IRF2: variants seen among roughly 807,000 people sequenced by gnomAD.
IRF2 encodes interferon regulatory factor 2.
IRF2 carries 15 observed loss-of-function variants against 40.6 expected under a neutral mutation model. The observed-to-expected ratio is 0.37, with a 90% CI of 0.25 to 0.57. The LOEUF is 0.57. IRF2 is among the 20% of genes least tolerant of loss of function. The probability of loss-of-function intolerance (pLI) is 0.77; values close to 1 mark genes in which losing one functional copy is unlikely to be tolerated. For synonymous variants in IRF2, 151 were observed against 165.5 expected, an observed-to-expected ratio of 0.91 and a Z score of 0.67; for missense variants, 317 against 455.7, an observed-to-expected ratio of 0.70 and a Z score of 2.77.
chr4:184,451,667 A>C (rs1045824270), intron 1 of IRF2, among the ~76,000 whole-genome samples: 2 of 152,172 alleles, frequency 1.3e-5, no homozygotes, highest in African/African-American at 4.8e-5. Context: ...TGATCCTGAA[A>C]CATAAATGCT....
At chr4:184,460,696 C>T (rs1739112296) in intron 1 of IRF2, among the ~76,000 whole-genome samples, 1 of 151,654 alleles carries the variant, frequency 6.6e-6, no homozygotes, top group Non-Finnish European at 1.5e-5. Flanking sequence ...CACACACACA[C>T]ATGCACACGC....
intron 7 of IRF2, 23 bp downstream of exon 7, chr4:184,398,892 C>T (rs371796553): frequency 3.5e-5 from 55 of 1,565,306 alleles, no homozygotes; most frequent in Middle Eastern, 3.8e-4. Context: ...CCACGCCTCC[C>T]GGAGCCTCCC....
rs567010984 is a variant in IRF2 at position 184,413,638 on chromosome 4, T to G, written c.411+4529A>C. ...TCTGTAACTTCTACCCATAGGTCTGTGCTCAGAACGAATACAGACCAGGCC... is the reference window on the plus strand; with the variant it reads ...TCTGTAACTTCTACCCATAGGTCTGGGCTCAGAACGAATACAGACCAGGCC... On this transcript the variant is annotated intron_variant, in intron 5 of 8. Transcript: ENST00000393593. This position sits in a 1 kb window ranked among gnomAD's most constrained non-coding sequence, Gnocchi z 4.2. Among the ~76,000 whole-genome samples, 103 of 152,338 alleles carry G rather than the reference T, an allele frequency of 6.8e-4. No individual in the cohort carries two copies. Among genetic ancestry groups the G allele is most frequent in the South Asian group, 3.9e-3 (19 of 4,832 alleles).
At chr4:184,445,384 T>C (rs1025291956) in intron 1 of IRF2, among the ~76,000 whole-genome samples, 36 of 152,160 alleles carry the variant, frequency 2.4e-4, no homozygotes, top group Admixed American at 9.8e-4. Flanking sequence ...CCAGGCACAG[T>C]GGCTCACACC....
At chr4:184,445,281 A>C (rs1482297262) in intron 1 of IRF2, among the ~76,000 whole-genome samples, 1 of 152,246 alleles carries the variant, frequency 6.6e-6, no homozygotes, top group Non-Finnish European at 1.5e-5. Flanking sequence ...ACTAAGTGCC[A>C]TCCTGTGCTC....
rs955669615 is a variant in IRF2, at chr4:184,408,661, T to A, written c.412-386A>T. Reference sequence around the variant, plus strand: ...TGCTCAAAAGAATCAATGCCTGGCTTTCACCAGGGAGGAATCATGCTACCT... The same window carrying A: ...TGCTCAAAAGAATCAATGCCTGGCTATCACCAGGGAGGAATCATGCTACCT... On this transcript the variant is annotated intron_variant, in intron 5 of 8. Coordinates refer to ENST00000393593, the MANE Select transcript of IRF2 (RefSeq NM_002199.4). This position sits in a 1 kb window ranked among gnomAD's most constrained non-coding sequence, Gnocchi z 4.9. 1.3e-5 allele frequency among the ~76,000 whole-genome samples: 2 copies of A among 152,212 alleles called. No individual in the cohort carries two copies. Among genetic ancestry groups the A allele is most frequent in the African/African-American group, 4.8e-5 (2 of 41,450 alleles).
chr4:184,400,714 C>A (rs1217136275), intron 6 of IRF2, among the ~76,000 whole-genome samples: 1 of 152,168 alleles, frequency 6.6e-6, no homozygotes, highest in East Asian at 1.9e-4. Context: ...TCCACAGCCT[C>A]GGCAGCATTT....
chr4:184,423,057 T>C (rs1184306322), intron 2 of IRF2, among the ~76,000 whole-genome samples: 3 of 152,202 alleles, frequency 2.0e-5, no homozygotes, highest in Non-Finnish European at 2.9e-5. Context: ...GAAGACCATA[T>C]GAAAAGGTAA....
intron 8 of IRF2, among the ~76,000 whole-genome samples, chr4:184,390,500 C>T (rs1246203932): frequency 6.6e-6 from 1 of 152,224 alleles, no homozygotes; most frequent in East Asian, 1.9e-4. Flanking sequence ...CCCTTTCCTC[C>T]TTTCAGTTCC....
In IRF2 at chr4:184,409,507, G is replaced by A. The variant is rs568644127; in HGVS notation, c.412-1232C>T. Among the ~76,000 whole-genome samples, 4 of 152,248 alleles carry A rather than the reference G, an allele frequency of 2.6e-5. No homozygotes were observed. In the South Asian group the frequency reaches 6.2e-4, roughly 24 times the overall value. On this transcript the variant is annotated intron_variant, in intron 5 of 8. Transcript: ENST00000393593. ...TCCCGAAGGTCCAGCGTAAGGGCAG[G>A]CCCAGAATATCCATCCCTACCAGGC...
At chr4:184,419,113 C>T (rs1220948042) in intron 3 of IRF2, among the ~76,000 whole-genome samples, 1 of 152,170 alleles carries the variant, frequency 6.6e-6, no homozygotes, top group Non-Finnish European at 1.5e-5. Context: ...CAGCTCCCTA[C>T]GTAAAGGTTG....
chr4:184,405,946 G>A (rs1736837702), intron 6 of IRF2, among the ~76,000 whole-genome samples: 1 of 150,252 alleles, frequency 6.7e-6, no homozygotes, highest in African/African-American at 2.5e-5. Flanking sequence ...TCTCACCTCA[G>A]TGCCCAGGTG....
intron 2 of IRF2, among the ~76,000 whole-genome samples, chr4:184,424,063 TACACAC>T (rs5864888): frequency 6.6e-6 from 1 of 150,928 alleles, no homozygotes; most frequent in Non-Finnish European, 1.5e-5. Flanking sequence ...TACACACAGA[TACACAC>T]ACACACACAC....
intron 1 of IRF2, among the ~76,000 whole-genome samples, chr4:184,455,301 C>CTTTTTTTTTTTT (rs1238177005): frequency 9.4e-5 from 3 of 31,928 alleles, no homozygotes; most frequent in African/African-American, 2.5e-4. Flanking sequence ...CCTTCTTCTT[C>CTTTTTTTTTTTT]TTTTTTTTTT....
chr4:184,468,348 G>A (rs1182484298), intron 1 of IRF2, among the ~76,000 whole-genome samples: 3 of 152,058 alleles, frequency 2.0e-5, no homozygotes, highest in African/African-American at 4.8e-5. Flanking sequence ...TTAGCCCGGC[G>A]TGGTGGCATA....
At chr4:184,433,449 T>C (rs377766808) in intron 1 of IRF2, among the ~76,000 whole-genome samples, 2 of 152,338 alleles carry the variant, frequency 1.3e-5, no homozygotes, top group South Asian at 4.1e-4. Context: ...ACCGGCTGGG[T>C]GCATTCCTCA....
chr4:184,432,810 G>A (rs1274007414), intron 1 of IRF2, among the ~76,000 whole-genome samples: 1 of 152,192 alleles, frequency 6.6e-6, no homozygotes, highest in Non-Finnish European at 1.5e-5. Context: ...ACCATGCCTG[G>A]AGCCACCAGA....
intron 1 of IRF2, among the ~76,000 whole-genome samples, chr4:184,430,390 C>A (rs1737833067): frequency 7.0e-6 from 1 of 143,722 alleles, no homozygotes; most frequent in African/African-American, 2.6e-5. Flanking sequence ...CCTCCTGCTC[C>A]GTGCTCATCC....
At chr4:184,410,743 G>T (rs1158443574) in intron 5 of IRF2, among the ~76,000 whole-genome samples, 1 of 152,128 alleles carries the variant, frequency 6.6e-6, no homozygotes, top group African/African-American at 2.4e-5. Context: ...AGGCAGTCAG[G>T]CTTGCATATA....
Sources: gnomAD v4.1 joint callset for allele counts (sites outside exome capture counted in the v4.1 genomes callset) on GRCh38, gnomAD v4.1.1 for gene constraint, Gnocchi (gnomAD v3.1) non-coding constraint, MANE v1.5 for transcripts, NCBI Gene and HGNC (gene_info 2026-07-23, HGNC 2026-07-21) for gene names.